Variants in TMBIM4 observed in about 807,000 individuals in gnomAD.
TMBIM4 encodes the protein transmembrane BAX inhibitor motif containing 4.
In TMBIM4, 28 loss-of-function variants were observed where a neutral mutation model predicts 27.7. That is an observed-to-expected ratio of 1.01 (90% CI 0.75 to 1.38). The LOEUF (loss-of-function observed/expected upper bound fraction) is 1.38. Among genes scored for constraint, TMBIM4 ranks in the 40% most tolerant of loss-of-function variants. TMBIM4 has a pLI of 0.00. For missense variants in TMBIM4, 265 were observed against 277.5 expected, an observed-to-expected ratio of 0.95 and a Z score of 0.32; for synonymous variants, 115 against 113.1, an observed-to-expected ratio of 1.02 and a Z score of -0.11.
chr12:66,162,439 T>C (rs1469356606), intron 1 of TMBIM4, among the ~76,000 whole-genome samples: 3 of 152,194 alleles, frequency 2.0e-5, no homozygotes, highest in African/African-American at 7.2e-5. Flanking sequence ...TCCACTGGCA[T>C]TTCACTTCCT....
In TMBIM4 at chr12:66,136,678, C is replaced by T. The variant is rs1044494279; in HGVS notation, c.*1282G>A. ...GTACAGAGGGAAGGCCATTTAAAGACACAGGGAGAAGATGGCCATCTACAA... is the reference window on the plus strand; with the variant it reads ...GTACAGAGGGAAGGCCATTTAAAGATACAGGGAGAAGATGGCCATCTACAA... On this transcript the variant is annotated 3_prime_UTR_variant, in exon 7 of 7. Transcript: ENST00000358230. 6.6e-6 allele frequency: 1 copy of T among 152,282 alleles called. No individual in the cohort carries two copies. The highest frequency in any genetic ancestry group is 6.5e-5 in the Admixed American group (1 of 15,278). The allele number at this position is 152,282 out of a possible 1,614,324, so 9.4% of individuals were successfully genotyped here.
At chr12:66,147,996 A>G (rs1391287387) in intron 3 of TMBIM4, 55 bp from the exon 4 acceptor site, 7 of 1,506,366 alleles carry the variant, frequency 4.6e-6, no homozygotes, top group African/African-American at 4.2e-5. Context: ...TCTCATGTAC[A>G]TTTTCTAATT....
intron 5 of TMBIM4, among the ~76,000 whole-genome samples, chr12:66,141,489 A>G (rs1283015605): frequency 6.6e-6 from 1 of 152,094 alleles, no homozygotes; most frequent in Non-Finnish European, 1.5e-5. Context: ...TAATAATCAC[A>G]ATAAATGTAA....
At chr12:66,161,514 T>A (rs1565788375) in intron 1 of TMBIM4, among the ~76,000 whole-genome samples, 1 of 152,204 alleles carries the variant, frequency 6.6e-6, no homozygotes. Context: ...ATTACAGGTG[T>A]GAGCCACCAC....
intron 5 of TMBIM4, 126 bp downstream of exon 5, chr12:66,145,715 A>ATC: frequency 3.6e-6 from 2 of 561,908 alleles, no homozygotes; most frequent in Non-Finnish European, 6.4e-6. Flanking sequence ...ACTCAAAGAG[A>ATC]TGATCTCTTA....
chr12:66,169,142 A>G, intron 1 of TMBIM4: 1 of 617,962 alleles, frequency 1.6e-6, no homozygotes, highest in East Asian at 2.9e-5. Flanking sequence ...CTGCCTAAAC[A>G]GGCTGAAAGT....
At position 66,138,755 on chromosome 12, in the gene TMBIM4, A is replaced by C. The variant is rs767450591; in HGVS notation, c.479T>G (p.Leu160Trp). Residue 160 changes from leucine to tryptophan, a missense_variant, in exon 6 of 7, where the codon TTG becomes TGG. Coordinates refer to ENST00000358230, the MANE Select transcript of TMBIM4 (RefSeq NM_016056.4). ...GAATCCTGACAGGCACAATATCCACAAAAGAGCAAACAGCCTATAAAAATA... is the reference window on the plus strand; with the variant it reads ...GAATCCTGACAGGCACAATATCCACCAAAGAGCAAACAGCCTATAAAAATA... The part of the protein sequence containing the change: ...SKFGAGLFAL[L>W]WILCLSGFLK... 6.5e-7 allele frequency: 1 copy of C among 1,548,202 alleles called. No homozygotes were observed. Among genetic ancestry groups the C allele is most frequent in the East Asian group, 2.5e-5 (1 of 40,638 alleles).
chr12:66,160,921 G>A (rs1422667551), intron 1 of TMBIM4, among the ~76,000 whole-genome samples: 1 of 149,858 alleles, frequency 6.7e-6, no homozygotes, highest in Non-Finnish European at 1.5e-5. Context: ...CGGTGAGGGG[G>A]TGGGGCGGGC....
intron 3 of TMBIM4, 125 bp from the exon 4 acceptor site, chr12:66,148,066 C>T (rs951717520): frequency 5.1e-6 from 4 of 782,542 alleles, no homozygotes; most frequent in Admixed American, 5.7e-5. Context: ...AGCAGCCCTG[C>T]GAAGTATATG....
chr12:66,160,796 C>T (rs996747901), intron 1 of TMBIM4, among the ~76,000 whole-genome samples: 60 of 151,626 alleles, frequency 4.0e-4, no homozygotes, highest in Non-Finnish European at 1.5e-4. Flanking sequence ...CCAGACAGGG[C>T]GGCGGCCGGG....
intron 1 of TMBIM4, among the ~76,000 whole-genome samples, chr12:66,155,380 C>T (rs1408334561): frequency 1.1e-4 from 12 of 104,902 alleles, no homozygotes; most frequent in Non-Finnish European, 2.7e-4. Context: ...CACTCTGTCA[C>T]CCAGGCTTAA....
intron 5 of TMBIM4, among the ~76,000 whole-genome samples, chr12:66,141,722 A>G (rs982200920): frequency 6.6e-6 from 1 of 152,174 alleles, no homozygotes; most frequent in African/African-American, 2.4e-5. Context: ...GGGCAATGAT[A>G]TTACTAGAGC....
At position 66,152,320 on chromosome 12, in the gene TMBIM4, A is replaced by G. The variant is rs8793; in HGVS notation, c.263T>C (p.Ile88Thr). ...LGSLGLIFALILNRHKYPLNL... is the reference protein window; with the variant it reads ...LGSLGLIFALTLNRHKYPLNL... ...AAGGGGATACTTATGTCTGTTTAAAATCAACGCAAAAATCAAACCCAGAGA... is the reference window on the plus strand; with the variant it reads ...AAGGGGATACTTATGTCTGTTTAAAGTCAACGCAAAAATCAAACCCAGAGA... Residue 88 changes from isoleucine to threonine, a missense_variant, in exon 3 of 7, where the codon ATT becomes ACT. Transcript: ENST00000358230. The G allele has an allele frequency of 0.43, 695,857 of 1,606,058 alleles. 158,503 individuals carry two copies. Among genetic ancestry groups the G allele is most frequent in the East Asian group, 0.86 (38,303 of 44,400 alleles).
At chr12:66,146,700 T>A (rs931321644) in intron 4 of TMBIM4, among the ~76,000 whole-genome samples, 1 of 145,124 alleles carries the variant, frequency 6.9e-6, no homozygotes, top group African/African-American at 2.6e-5. Flanking sequence ...GGTTAACTGC[T>A]TTGAACCCAA....
intron 1 of TMBIM4, among the ~76,000 whole-genome samples, chr12:66,158,207 CAGAGTGAGACTCCGTCTCACAAAAAAAA>C (rs1187327764): frequency 8.5e-6 from 1 of 118,108 alleles, no homozygotes; most frequent in African/African-American, 3.5e-5. Flanking sequence ...GCCTGGGCGA[CAGAGTGAGACTCCGTCTCACAAAAAAAA>C]AAAAAACAAA....
chr12:66,160,917 G>C (rs923512893), intron 1 of TMBIM4, among the ~76,000 whole-genome samples: 1 of 151,170 alleles, frequency 6.6e-6, no homozygotes. Context: ...CAGACGGTGA[G>C]GGGGTGGGGC....
At chr12:66,158,019 G>C (rs1359662150) in intron 1 of TMBIM4, among the ~76,000 whole-genome samples, 2 of 151,948 alleles carry the variant, frequency 1.3e-5, no homozygotes, top group Non-Finnish European at 2.9e-5. Context: ...GAGGTTAGGA[G>C]ATCAAGACCA....
chr12:66,162,645 A>C (rs2052061849), intron 1 of TMBIM4, among the ~76,000 whole-genome samples: 1 of 152,228 alleles, frequency 6.6e-6, no homozygotes, highest in Non-Finnish European at 1.5e-5. Context: ...CTCTAGTGCC[A>C]ATGAAGGTTC....
intron 1 of TMBIM4, among the ~76,000 whole-genome samples, chr12:66,159,414 C>A (rs1392804784): frequency 6.6e-6 from 1 of 152,104 alleles, no homozygotes; most frequent in East Asian, 1.9e-4. Context: ...GATCCTCCAG[C>A]CCAGTCAAGC....
Sources: allele counts gnomAD v4.1 joint callset (sites outside exome capture counted in the v4.1 genomes callset), GRCh38; gene constraint gnomAD v4.1.1; transcripts MANE v1.5; gene names NCBI Gene and HGNC (gene_info 2026-07-23, HGNC 2026-07-21).